TMTC3: variants seen among roughly 807,000 people sequenced by gnomAD.
TMTC3 encodes transmembrane O-mannosyltransferase targeting cadherins 3.
TMTC3 carries 52 observed loss-of-function variants against 92.2 expected under a neutral mutation model. The ratio of observed to expected loss-of-function variants is 0.56; its 90% CI spans 0.45 to 0.71. TMTC3 has a LOEUF of 0.71. TMTC3 is among the 30% of genes least tolerant of loss of function. The probability of loss-of-function intolerance (pLI) is 0.00; values close to 1 mark genes in which losing one functional copy is unlikely to be tolerated. For missense variants in TMTC3, 896 were observed against 1,057.1 expected (o/e 0.85, Z 2.11); for synonymous variants, 339 against 363.3 (o/e 0.93, Z 0.76).
At chr12:88,165,777 T>G (rs2138392886) in intron 6 of TMTC3, among the ~76,000 whole-genome samples, 1 of 152,226 alleles carries the variant, frequency 6.6e-6, no homozygotes, top group African/African-American at 2.4e-5. Flanking sequence ...AAATTTGGTT[T>G]TTAGCTTCCT....
At chr12:88,156,276 T>C (rs1225797769) in intron 4 of TMTC3, among the ~76,000 whole-genome samples, 2 of 152,202 alleles carry the variant, frequency 1.3e-5, no homozygotes, top group African/African-American at 4.8e-5. Context: ...AGTTATAAAC[T>C]ACTGTGCCTG....
intron 4 of TMTC3, among the ~76,000 whole-genome samples, chr12:88,159,824 G>A (rs940212516): frequency 9.2e-5 from 14 of 152,020 alleles, no homozygotes; most frequent in African/African-American, 3.4e-4. Context: ...ACACAAACCT[G>A]TAAATTTCTC....
At chr12:88,142,795 G>T (rs551192673) in intron 1 of TMTC3, among the ~76,000 whole-genome samples, 3 of 152,298 alleles carry the variant, frequency 2.0e-5, no homozygotes, top group East Asian at 1.9e-4. Context: ...TCCCGACCCC[G>T]CCCGCCTTAC....
chr12:88,183,248 A>G (rs1249908375), intron 10 of TMTC3, among the ~76,000 whole-genome samples: 1 of 152,202 alleles, frequency 6.6e-6, no homozygotes, highest in Non-Finnish European at 1.5e-5. Context: ...AACAGTGGCC[A>G]TTATTAGAAA....
intron 10 of TMTC3, 145 bp downstream of exon 10, chr12:88,176,464 C>T (rs770856384): frequency 5.2e-6 from 3 of 577,722 alleles, no homozygotes; most frequent in Non-Finnish European, 9.1e-6. Flanking sequence ...AACTGGATTA[C>T]ATATAACAGC....
intron 7 of TMTC3, among the ~76,000 whole-genome samples, chr12:88,167,846 CAT>C (rs1426322585): frequency 2.0e-5 from 3 of 152,162 alleles, no homozygotes; most frequent in African/African-American, 7.2e-5. Flanking sequence ...TATCCATTAA[CAT>C]AGAGGTGGTA....
At chr12:88,194,456 T>C (rs2138447985) in intron 13 of TMTC3, among the ~76,000 whole-genome samples, 1 of 152,290 alleles carries the variant, frequency 6.6e-6, no homozygotes, top group South Asian at 2.1e-4. Context: ...AAGTAACATG[T>C]TCAGTGTATA....
Position 88,196,483 on chromosome 12 carries a change from T to C in TMTC3, c.*834T>C, listed in dbSNP as rs2041514316. The C allele has an allele frequency of 6.6e-6, 1 of 152,182 alleles. No homozygotes were observed. The highest frequency in any genetic ancestry group is 1.5e-5 in the Non-Finnish European group (1 of 67,794). 9.4% of individuals were successfully genotyped at this position (152,182 alleles called of 1,614,324 possible). On this transcript the variant is annotated 3_prime_UTR_variant, in exon 14 of 14. Coordinates refer to ENST00000266712, the MANE Select transcript of TMTC3 (RefSeq NM_181783.4). The stretch of plus-strand genomic sequence containing the variant: ...GAGAAGTCCCAATAACTCTAAACTT[T>C]TGAGTTATAACGTAGTAAACTTCTC...
chr12:88,153,483 G>T lies in TMTC3; in HGVS notation c.382G>T (p.Ala128Ser). ...KSSVIASLLF[A>S]VHPIHTEAVT... ...TAGTGTGATTGCTTCTTTACTTTTT[G>T]CAGTGCACCCAATACACACAGAAGC... The change falls in exon 3 of 14, where the codon GCA becomes TCA. Residue 128 changes from alanine to serine, a missense_variant. By Grantham distance (99) the Ala-to-Ser change is moderately conservative. Transcript: ENST00000266712. The T allele has an allele frequency of 6.2e-7, 1 of 1,611,880 alleles. No individual in the cohort carries two copies. The highest frequency in any genetic ancestry group is 8.5e-7 in the Non-Finnish European group (1 of 1,178,884).
At position 88,153,431 on chromosome 12, in the gene TMTC3, A is replaced by G. The variant is rs141872788; in HGVS notation, c.330A>G (p.Val110=). 8 of 1,613,594 alleles carry G rather than the reference A, an allele frequency of 5.0e-6. No individual in the cohort carries two copies. The change falls in exon 3 of 14, where the codon GTA becomes GTG. Residue 110 remains valine (V), a synonymous_variant. Coordinates refer to ENST00000266712, the MANE Select transcript of TMTC3 (RefSeq NM_181783.4). The part of the protein sequence containing the change: ...HAVVSVIFLK[V]CKLFLDNKSS... ...TGGTTAGTGTGATATTTCTCAAAGT[A>G]TGCAAACTTTTTCTGGACAACAAGA...
rs1056628965 is a variant in TMTC3, at chr12:88,199,207, C to T, written c.*3558C>T. The T allele has an allele frequency of 1.3e-4, 19 of 151,974 alleles. No homozygotes were observed. Among genetic ancestry groups the T allele is most frequent in the Admixed American group, 3.9e-4 (6 of 15,242 alleles). 9.4% of individuals were successfully genotyped at this position (151,974 alleles called of 1,614,324 possible). ...CAACCACCAAATTAAGAAAAGGAAA[C>T]AACTCAGACTTGGAATTTTATACGA... is the stretch of plus-strand genomic sequence containing the variant. On this transcript the variant is annotated 3_prime_UTR_variant, in exon 14 of 14. Coordinates refer to ENST00000266712, the MANE Select transcript of TMTC3 (RefSeq NM_181783.4).
chr12:88,188,895 A>G lies in TMTC3; in HGVS notation c.1485A>G (p.Arg495=), dbSNP rs2041408579. The part of the protein sequence containing the change: ...NVGRTYKNLN[R]TKEAEESYMM... ...GAAGAACTTATAAAAATTTAAATAGAACCAAAGAAGCTGAAGAATCTTACA... is the reference window on the plus strand; with the variant it reads ...GAAGAACTTATAAAAATTTAAATAGGACCAAAGAAGCTGAAGAATCTTACA... The change falls in exon 11 of 14, where the codon AGA becomes AGG. Residue 495 remains arginine (R), a synonymous_variant. Coordinates refer to ENST00000266712, the MANE Select transcript of TMTC3 (RefSeq NM_181783.4). 1 of 1,598,424 alleles carries G rather than the reference A, an allele frequency of 6.3e-7. No homozygotes were observed. Among genetic ancestry groups the G allele is most frequent in the Non-Finnish European group, 8.5e-7 (1 of 1,174,568 alleles).
chr12:88,162,676 C>T (rs193112591), intron 6 of TMTC3, among the ~76,000 whole-genome samples: 38 of 152,188 alleles, frequency 2.5e-4, no homozygotes, highest in Non-Finnish European at 2.4e-4. Flanking sequence ...TGTTCTATTG[C>T]TTTAATGTCC....
At chr12:88,188,740 A>C (rs2041406457) in intron 10 of TMTC3, 103 bp from the exon 11 acceptor site, 3 of 596,430 alleles carry the variant, frequency 5.0e-6, no homozygotes, top group Non-Finnish European at 8.5e-6. Flanking sequence ...CATTAGTTAC[A>C]TTGAATACTT....
intron 12 of TMTC3, among the ~76,000 whole-genome samples, chr12:88,191,324 C>T (rs1256342995): frequency 6.6e-6 from 1 of 151,944 alleles, no homozygotes; most frequent in Non-Finnish European, 1.5e-5. Context: ...ATAAATAACA[C>T]CTGTCATGTA....
chr12:88,194,337 TAC>T (rs1157135994), intron 13 of TMTC3, among the ~76,000 whole-genome samples: 3 of 152,230 alleles, frequency 2.0e-5, no homozygotes, highest in Non-Finnish European at 4.4e-5. Flanking sequence ...TAAAATGTGA[TAC>T]AGTCATTCTG....
chr12:88,192,931 G>GCTATAAACTGTCAAT, intron 13 of TMTC3, 101 bp downstream of exon 13: 2 of 931,284 alleles, frequency 2.1e-6, no homozygotes, highest in Non-Finnish European at 3.1e-6. Flanking sequence ...TTTATGTATT[G>GCTATAAACTGTCAAT]ACAGTTTATA....
chr12:88,170,723 C>T (rs2041195326), intron 7 of TMTC3, among the ~76,000 whole-genome samples: 1 of 152,182 alleles, frequency 6.6e-6, no homozygotes, highest in South Asian at 2.1e-4. Flanking sequence ...AAAGGTTTAA[C>T]TTGTTTATTC....
Position 88,174,715 on chromosome 12 carries a change from G to A in TMTC3, c.1308G>A (p.Met436Ile). 2 of 1,612,090 alleles carry A rather than the reference G, an allele frequency of 1.2e-6. No homozygotes were observed. The highest frequency in any genetic ancestry group is 8.5e-7 in the Non-Finnish European group (1 of 1,178,838). Residue 436 changes from methionine (M) to isoleucine (I), a missense_variant, in exon 9 of 14, where the codon ATG (methionine) becomes ATA (isoleucine). By Grantham distance (10) the Met-to-Ile change is conservative (BLOSUM62 1). Coordinates refer to ENST00000266712, the MANE Select transcript of TMTC3 (RefSeq NM_181783.4). Reference protein sequence around the residue: ...WDWESEYTLFMSALKVNKNNA... With the variant: ...WDWESEYTLFISALKVNKNNA... ...GGGAGTCTGAATATACATTGTTTAT[G>A]TCAGCCTTGAAGGTAAAGTGTTGTT...
Sources: gnomAD v4.1 joint callset for allele counts (sites outside exome capture counted in the v4.1 genomes callset) on GRCh38, gnomAD v4.1.1 for gene constraint, MANE v1.5 for transcripts, NCBI Gene and HGNC (gene_info 2026-07-23, HGNC 2026-07-21) for gene names.